GRAMD1C: variants seen among roughly 807,000 people sequenced by gnomAD.
GRAMD1C encodes the protein protein Aster-C.
A neutral mutation model predicts 97.8 loss-of-function variants in GRAMD1C; 89 were observed. The ratio of observed to expected loss-of-function variants is 0.91; its 90% CI spans 0.77 to 1.09. The LOEUF (loss-of-function observed/expected upper bound fraction) is 1.09, where lower values mean the gene tolerates loss of function less well. Ranked by LOEUF, GRAMD1C falls within the 50% of genes least tolerant of loss-of-function variation. The pLI is 0.00. For missense variants in GRAMD1C, 740 were observed against 766.4 expected, an observed-to-expected ratio of 0.97 and a Z score of 0.41; for synonymous variants, 256 against 267.0, an observed-to-expected ratio of 0.96 and a Z score of 0.40.
In GRAMD1C at chr3:113,934,806, C is replaced by T. The variant is rs547605784; in HGVS notation, c.1456+271C>T. On this transcript the variant is annotated intron_variant, in intron 13 of 17. Transcript: ENST00000358160. ...TTGCCTAGGCTGGAGTGCAGTGGTG[C>T]GATCTTGGCTCACTGCAACCTCCGC... is the stretch of plus-strand genomic sequence containing the variant. Among the ~76,000 whole-genome samples, 37 of 152,168 alleles carry T rather than the reference C, an allele frequency of 2.4e-4. 1 individual carries two copies. Among genetic ancestry groups the T allele is most frequent in the African/African-American group, 7.2e-4 (30 of 41,508 alleles).
At chr3:113,913,150 T>A (rs1455165498) in intron 9 of GRAMD1C, 27 of 1,244,768 alleles carry the variant, frequency 2.2e-5, no homozygotes, top group African/African-American at 3.1e-5. Flanking sequence ...TGGCCCCCAG[T>A]GGCCAAATAG....
chr3:113,844,672 T>C, intron 2 of GRAMD1C, 23 bp downstream of exon 2: 2 of 1,527,070 alleles, frequency 1.3e-6, no homozygotes, highest in Non-Finnish European at 8.9e-7. Context: ...TTTACGTCTT[T>C]ATTTTAATCT....
intron 2 of GRAMD1C, among the ~76,000 whole-genome samples, chr3:113,868,367 T>C (rs1221930246): frequency 1.3e-5 from 2 of 152,216 alleles, no homozygotes; most frequent in Admixed American, 6.5e-5. Flanking sequence ...GCATGTCTTA[T>C]AATTTTTGTT....
rs777022005 is a variant in GRAMD1C, at chr3:113,876,171, A to G, written c.370A>G (p.Ile124Val). The G allele has an allele frequency of 1.2e-5, 19 of 1,536,284 alleles. No individual in the cohort carries two copies. Among genetic ancestry groups the G allele is most frequent in the South Asian group, 1.2e-4 (10 of 86,832 alleles). Reference protein sequence around the residue: ...NIFRWETTISIALKNITFMTK... With the variant: ...NIFRWETTISVALKNITFMTK... ...AAATTTTTTGTGTGTTTAGATTTCT[A>G]TTGCTTTAAAGAATATAACCTTCAT... Residue 124 changes from isoleucine to valine, a missense_variant, in exon 5 of 18, where the codon ATT (isoleucine) becomes GTT (valine). Transcript: ENST00000358160.
chr3:113,897,501 T>C, intron 6 of GRAMD1C: 1 of 983,322 alleles, frequency 1.0e-6, no homozygotes, highest in Non-Finnish European at 1.2e-6. Flanking sequence ...CAATTCTGCA[T>C]TCTGACCTGC....
At chr3:113,923,536 T>C (rs1333141115) in intron 10 of GRAMD1C, among the ~76,000 whole-genome samples, 2 of 152,206 alleles carry the variant, frequency 1.3e-5, no homozygotes, top group Admixed American at 6.5e-5. Flanking sequence ...CATGTGGTTT[T>C]TGTTTTTAGT....
intron 10 of GRAMD1C, among the ~76,000 whole-genome samples, chr3:113,927,177 C>G (rs1164385813): frequency 6.6e-6 from 1 of 151,908 alleles, no homozygotes; most frequent in African/African-American, 2.4e-5. Flanking sequence ...AGAGTATTAG[C>G]TGGCAGATAG....
At chr3:113,850,794 TTA>T in intron 2 of GRAMD1C, 1 of 772,906 alleles carries the variant, frequency 1.3e-6, no homozygotes, top group Non-Finnish European at 1.9e-6. Context: ...TTTTTTATTT[TTA>T]TTTTTTTAAT....
intron 7 of GRAMD1C, among the ~76,000 whole-genome samples, chr3:113,901,637 A>C (rs768941336): frequency 1.3e-5 from 2 of 152,222 alleles, no homozygotes; most frequent in Non-Finnish European, 2.9e-5. Flanking sequence ...TAATGGTAAG[A>C]GTCATAACAG....
chr3:113,875,226 G>A lies in GRAMD1C; in HGVS notation c.260-258G>A, dbSNP rs76242391. On this transcript the variant is annotated intron_variant, in intron 3 of 17. Transcript: ENST00000358160. ...GCTCTCATAGCTTTCTCTACACTTGGGTCATTATCATATTTATTTTCATAT... is the reference window on the plus strand; with the variant it reads ...GCTCTCATAGCTTTCTCTACACTTGAGTCATTATCATATTTATTTTCATAT... Among the ~76,000 whole-genome samples the A allele has an allele frequency of 1.0e-2, 1,509 of 151,650 alleles. 15 individuals are homozygous for A. The highest frequency in any genetic ancestry group is 0.016 in the Non-Finnish European group (1,117 of 67,868).
At chr3:113,913,164 A>G (rs1436296491) in intron 9 of GRAMD1C, 4 of 1,137,526 alleles carry the variant, frequency 3.5e-6, no homozygotes, top group South Asian at 1.3e-5. Flanking sequence ...CAAATAGGTA[A>G]GTAGCACCAA....
At chr3:113,933,296 C>T (rs756072233) in intron 11 of GRAMD1C, among the ~76,000 whole-genome samples, 3 of 151,492 alleles carry the variant, frequency 2.0e-5, no homozygotes, top group Non-Finnish European at 4.4e-5. Context: ...CCACCCTAAG[C>T]GCTGGGATTA....
rs200939229 is a variant in GRAMD1C, at chr3:113,909,121, G to A, written c.952+1G>A. 18 of 1,428,328 alleles carry A rather than the reference G, an allele frequency of 1.3e-5. No individual in the cohort carries two copies. The East Asian group carries it at 4.2e-4, about 34-fold the overall frequency. 88.5% of individuals were successfully genotyped at this position (1,428,328 alleles called of 1,614,324 possible). A position where few individuals can be genotyped will look rare whatever the true frequency, so the allele number is the denominator to read the frequency against. Reference sequence around the variant, plus strand: ...AGCACTTCAGATTCTGTTGATGAAGGTAAATAATTTCTTATAAATTTTATT... The same window carrying A: ...AGCACTTCAGATTCTGTTGATGAAGATAAATAATTTCTTATAAATTTTATT... On this transcript the variant is annotated splice_donor_variant, in intron 9 of 17. Coordinates refer to ENST00000358160, the MANE Select transcript of GRAMD1C (RefSeq NM_017577.5). LOFTEE classifies it high-confidence loss of function.
At chr3:113,915,238 T>C (rs995983228) in intron 9 of GRAMD1C, among the ~76,000 whole-genome samples, 4 of 152,230 alleles carry the variant, frequency 2.6e-5, no homozygotes, top group African/African-American at 4.8e-5. Flanking sequence ...TTATTCAGGC[T>C]GATAAGCTAA....
At chr3:113,898,361 T>C (rs1936017338) in intron 6 of GRAMD1C, among the ~76,000 whole-genome samples, 2 of 152,134 alleles carry the variant, frequency 1.3e-5, no homozygotes, top group African/African-American at 4.8e-5. Flanking sequence ...GAAATATTGC[T>C]TGCTTCTCAT....
chr3:113,873,395 C>G (rs1934910612), intron 3 of GRAMD1C, among the ~76,000 whole-genome samples: 1 of 152,196 alleles, frequency 6.6e-6, no homozygotes, highest in Non-Finnish European at 1.5e-5. Flanking sequence ...TACAGTGGTT[C>G]TCAAAGTGTG....
chr3:113,833,077 T>C (rs1709579794), intron 1 of GRAMD1C, among the ~76,000 whole-genome samples: 1 of 151,928 alleles, frequency 6.6e-6, no homozygotes, highest in Non-Finnish European at 1.5e-5. Flanking sequence ...GGTAATATAT[T>C]TGCCTTCAAA....
rs188460698 is a variant in GRAMD1C, at chr3:113,918,877, T to C, written c.1090+3039T>C. The stretch of plus-strand genomic sequence containing the variant: ...CCGGCCAATTTTAAAACATTTTTTA[T>C]AGAGACAAGTGTCTCCCTATGTTGC... On this transcript the variant is annotated intron_variant, in intron 10 of 17. Coordinates refer to ENST00000358160, the MANE Select transcript of GRAMD1C (RefSeq NM_017577.5). Among the ~76,000 whole-genome samples, 427 of 152,202 alleles carry C rather than the reference T, an allele frequency of 2.8e-3. 2 individuals carry two copies. The highest frequency in any genetic ancestry group is 5.1e-3 in the Non-Finnish European group (346 of 68,000).
intron 10 of GRAMD1C, among the ~76,000 whole-genome samples, chr3:113,930,408 A>T (rs886977185): frequency 5.9e-5 from 9 of 152,236 alleles, no homozygotes; most frequent in Admixed American, 4.6e-4. Flanking sequence ...ATAGGTACTG[A>T]GGACTTTAAA....
Sources: gnomAD v4.1 joint callset for allele counts (sites outside exome capture counted in the v4.1 genomes callset) on GRCh38, gnomAD v4.1.1 for gene constraint, MANE v1.5 for transcripts, NCBI Gene and HGNC (gene_info 2026-07-23, HGNC 2026-07-21) for gene names.